PEPD: variants seen among roughly 807,000 people sequenced by gnomAD.
PEPD encodes the protein peptidase D, also known as xaa-Pro dipeptidase.
In PEPD, 53 loss-of-function variants were observed where a neutral mutation model predicts 60.7. The observed-to-expected ratio is 0.87, with a 90% CI of 0.70 to 1.10. PEPD has a LOEUF of 1.10. PEPD is among the 50% of genes least tolerant of loss of function. PEPD has a pLI of 0.00. For synonymous variants in PEPD, 267 were observed against 284.1 expected (o/e 0.94, Z 0.60); for missense variants, 711 against 711.9 (o/e 1.00, Z 0.01).
chr19:33,462,556 A>C (rs1196233900), intron 9 of PEPD, among the ~76,000 whole-genome samples: 2 of 152,226 alleles, frequency 1.3e-5, no homozygotes, highest in African/African-American at 4.8e-5. Flanking sequence ...TAGGAGCAGA[A>C]GGCCAATGGA....
intron 8 of PEPD, among the ~76,000 whole-genome samples, chr19:33,463,372 A>C (rs553076292): frequency 6.6e-6 from 1 of 152,258 alleles, no homozygotes; most frequent in Non-Finnish European, 1.5e-5. Flanking sequence ...CACGAAAGCT[A>C]TGACGATCAC....
chr19:33,518,605 C>T (rs1232825330), intron 1 of PEPD, among the ~76,000 whole-genome samples: 2 of 152,188 alleles, frequency 1.3e-5, no homozygotes, highest in Non-Finnish European at 2.9e-5. Context: ...CATTCCCCAC[C>T]ATGACTCCTT....
At chr19:33,479,500 T>C (rs1970277562) in intron 6 of PEPD, among the ~76,000 whole-genome samples, 2 of 152,158 alleles carry the variant, frequency 1.3e-5, no homozygotes, top group African/African-American at 4.8e-5. Context: ...TACAGATTAT[T>C]CTGCCACCTA....
At chr19:33,445,535 C>T (rs564915148) in intron 9 of PEPD, among the ~76,000 whole-genome samples, 62 of 152,282 alleles carry the variant, frequency 4.1e-4, no homozygotes, top group Non-Finnish European at 6.9e-4. Context: ...GAGGAAAGGC[C>T]GCATGAGGAC....
In PEPD at chr19:33,422,818, A is replaced by ATCTATC. The variant is rs59966788; in HGVS notation, c.672-9176_672-9175insGATAGA. Among the ~76,000 whole-genome samples, 238 of 131,204 alleles carry ATCTATC rather than the reference A, an allele frequency of 1.8e-3. 1 individual carries two copies. Among genetic ancestry groups the ATCTATC allele is most frequent in the African/African-American group, 5.3e-3 (209 of 39,098 alleles). 86.1% of individuals were successfully genotyped at this position (131,204 alleles called of 152,430 possible). On this transcript the variant is annotated intron_variant, in intron 9 of 14. Coordinates refer to ENST00000244137, the MANE Select transcript of PEPD (RefSeq NM_000285.4). Reference sequence around the variant, plus strand: ...TATCTATCCATCCATCCATCCTTCTATATCTATCTATCTATCTATCCATCT... The same window carrying ATCTATC: ...TATCTATCCATCCATCCATCCTTCTATCTATCTATCTATCTATCTATCTATCCATCT...
At chr19:33,402,124 G>A (rs1968512445) in intron 11 of PEPD, among the ~76,000 whole-genome samples, 1 of 152,232 alleles carries the variant, frequency 6.6e-6, no homozygotes, top group Admixed American at 6.5e-5. Flanking sequence ...GCCCAGGCAG[G>A]GAAGGCTGAG....
chr19:33,387,292 A>T lies in PEPD; in HGVS notation c.*52T>A, dbSNP rs1061338. ...GCTGACCAGCAGGCTGCCCATCACG[A>T]AAAGAGGTTGCAAGGCCAGGCCCCC... On this transcript the variant is annotated 3_prime_UTR_variant, in exon 15 of 15. Transcript: ENST00000244137. 1 of 1,608,768 alleles carries T rather than the reference A, an allele frequency of 6.2e-7. No homozygotes were observed. Among genetic ancestry groups the T allele is most frequent in the Non-Finnish European group, 8.5e-7 (1 of 1,177,504 alleles).
chr19:33,499,339 G>A (rs1026390102), intron 4 of PEPD, among the ~76,000 whole-genome samples: 1 of 152,158 alleles, frequency 6.6e-6, no homozygotes, highest in Non-Finnish European at 1.5e-5. Flanking sequence ...CCCTGTAGAG[G>A]TGGGCAGTGC....
intron 6 of PEPD, among the ~76,000 whole-genome samples, chr19:33,485,099 T>G (rs1970373262): frequency 6.6e-6 from 1 of 152,094 alleles, no homozygotes; most frequent in Non-Finnish European, 1.5e-5. Flanking sequence ...CACCCAAAGA[T>G]GAGGCAGCCC....
chr19:33,521,771 C>G lies in PEPD; in HGVS notation c.-11G>C. ...GGTGGCCGCCGCCATGTTCGCCCGG[C>G]ACCGGCGTCACGTGAAGTGCGGCGT... On this transcript the variant is annotated 5_prime_UTR_variant, in exon 1 of 15. Transcript: ENST00000244137. The G allele has an allele frequency of 6.4e-7, 1 of 1,574,026 alleles. No homozygotes were observed. The highest frequency in any genetic ancestry group is 1.3e-5 in the African/African-American group (1 of 74,380).
intron 9 of PEPD, among the ~76,000 whole-genome samples, chr19:33,458,240 T>C (rs1969847968): frequency 6.6e-6 from 1 of 151,058 alleles, no homozygotes; most frequent in South Asian, 2.1e-4. Context: ...TGGCTGTATG[T>C]GGCATGCGAT....
At chr19:33,399,762 ATCTT>A (rs562790298) in intron 12 of PEPD, among the ~76,000 whole-genome samples, 127 of 151,968 alleles carry the variant, frequency 8.4e-4, no homozygotes, top group African/African-American at 2.9e-3. Context: ...GAGGCTCCAG[ATCTT>A]TCTTTCTTCT....
chr19:33,411,137 C>T (rs1041723354), intron 11 of PEPD, among the ~76,000 whole-genome samples: 2 of 152,208 alleles, frequency 1.3e-5, no homozygotes, highest in Non-Finnish European at 2.9e-5. Flanking sequence ...GTGAGCACGG[C>T]ACATCGTGCT....
intron 12 of PEPD, among the ~76,000 whole-genome samples, chr19:33,395,502 G>A (rs1271127099): frequency 6.6e-6 from 1 of 152,154 alleles, no homozygotes; most frequent in African/African-American, 2.4e-5. Context: ...GAAATGGCAG[G>A]GCTCAGAGGA....
At chr19:33,404,525 G>A (rs1019817130) in intron 11 of PEPD, among the ~76,000 whole-genome samples, 2 of 152,164 alleles carry the variant, frequency 1.3e-5, no homozygotes, top group African/African-American at 4.8e-5. Context: ...ATCTAGGAAT[G>A]TAAAAACAAG....
chr19:33,395,047 C>T (rs1968329235), intron 12 of PEPD: 1 of 152,254 alleles, frequency 6.6e-6, no homozygotes, highest in Non-Finnish European at 1.5e-5. Flanking sequence ...GCCTCTCCCT[C>T]ACCCACTCCT....
At chr19:33,405,550 C>T (rs4805882) in intron 11 of PEPD, among the ~76,000 whole-genome samples, 23,584 of 152,244 alleles carry the variant, frequency 0.15, 2,427 homozygotes, top group Admixed American at 0.27. Context: ...AGTGTGAGAC[C>T]GAAAGGGAGG....
rs537651471 is a variant in PEPD, at chr19:33,411,693, G to A, written c.797C>T (p.Thr266Met). 4 of 1,607,890 alleles carry A rather than the reference G, an allele frequency of 2.5e-6. No individual in the cohort carries two copies. Among genetic ancestry groups the A allele is most frequent in the Admixed American group, 3.3e-5 (2 of 59,984 alleles). Reference protein sequence around the residue: ...YGHAGAPNDRTIQNGDMCLFD... With the variant: ...YGHAGAPNDRMIQNGDMCLFD... ...TTACCACATATCCCCATTCTGGATC[G>A]TTCGGTCGTTGGGAGCTCCGGCGTG... The change falls in exon 11 of 15, where the codon ACG becomes ATG. Residue 266 changes from threonine to methionine, a missense_variant. By Grantham distance (81) the Thr-to-Met change is moderately conservative (BLOSUM62 -1). Transcript: ENST00000244137.
intron 9 of PEPD, among the ~76,000 whole-genome samples, chr19:33,440,454 G>C (rs970363165): frequency 2.6e-5 from 4 of 151,998 alleles, no homozygotes; most frequent in African/African-American, 7.3e-5. Context: ...CTCTGCTTTG[G>C]ACAGTAGCCA....
Sources: gnomAD v4.1 joint callset for allele counts (sites outside exome capture counted in the v4.1 genomes callset) on GRCh38, gnomAD v4.1.1 for gene constraint, MANE v1.5 for transcripts, NCBI Gene and HGNC (gene_info 2026-07-23, HGNC 2026-07-21) for gene names.